DLC1: variants seen among roughly 807,000 people sequenced by gnomAD.
DLC1 encodes DLC1 Rho GTPase activating protein.
A neutral mutation model predicts 140.3 loss-of-function variants in DLC1; 54 were observed. The ratio of observed to expected loss-of-function variants is 0.38; its 90% CI spans 0.31 to 0.48. DLC1 has a LOEUF of 0.48. DLC1 is among the 20% of genes least tolerant of loss of function. DLC1 has a pLI of 0.96. For missense variants in DLC1, 2,536 were observed against 1,907.0 expected (o/e 1.33, Z -6.14); for synonymous variants, 986 against 728.1 (o/e 1.35, Z -5.70).
At chr8:13,373,965 T>C (rs1260187955) in intron 4 of DLC1, among the ~76,000 whole-genome samples, 1 of 152,190 alleles carries the variant, frequency 6.6e-6, no homozygotes, top group African/African-American at 2.4e-5. Flanking sequence ...AATTTCCAGA[T>C]TTGCAAAGAT....
chr8:13,154,450 C>T (rs1824092240), intron 5 of DLC1, among the ~76,000 whole-genome samples: 1 of 152,224 alleles, frequency 6.6e-6, no homozygotes, highest in Non-Finnish European at 1.5e-5. Context: ...GTGCTAAGCC[C>T]CTTACTGCCC....
chr8:13,488,834 A>C (rs557700620), intron 2 of DLC1, among the ~76,000 whole-genome samples: 1 of 152,382 alleles, frequency 6.6e-6, no homozygotes, highest in Non-Finnish European at 1.5e-5. Context: ...TTAGGTAAGA[A>C]GGCACATATA....
chr8:13,383,623 C>T (rs1012288622), intron 4 of DLC1, among the ~76,000 whole-genome samples: 1 of 152,142 alleles, frequency 6.6e-6, no homozygotes, highest in Admixed American at 6.5e-5. Flanking sequence ...CTTGTTTAGA[C>T]CTTTTCCAAC....
At chr8:13,465,767 A>T (rs576896658) in intron 2 of DLC1, among the ~76,000 whole-genome samples, 6 of 152,218 alleles carry the variant, frequency 3.9e-5, no homozygotes, top group Non-Finnish European at 8.8e-5. Context: ...TCTAAGAAAT[A>T]ACTTTTTAGT....
Position 13,305,259 on chromosome 8 carries a change from G to A in DLC1, c.1348+10C>T. Reference sequence around the variant, plus strand: ...ATTGGCGAGAAAACAGAACCAAAATGTCAACTTACCAGCCTTTTCCTTCTC... The same window carrying A: ...ATTGGCGAGAAAACAGAACCAAAATATCAACTTACCAGCCTTTTCCTTCTC... On this transcript the variant is annotated intron_variant, in intron 5 of 17. Transcript: ENST00000276297. The A allele has an allele frequency of 6.2e-7, 1 of 1,608,390 alleles. No individual in the cohort carries two copies. The highest frequency in any genetic ancestry group is 8.5e-7 in the Non-Finnish European group (1 of 1,177,414).
chr8:13,397,572 T>C (rs1837104544), intron 3 of DLC1, among the ~76,000 whole-genome samples: 2 of 152,008 alleles, frequency 1.3e-5, no homozygotes, highest in Admixed American at 1.3e-4. Flanking sequence ...CTCATGCCTG[T>C]CATCTCAATA....
chr8:13,479,294 A>G (rs980281988), intron 2 of DLC1, among the ~76,000 whole-genome samples: 2 of 152,228 alleles, frequency 1.3e-5, no homozygotes, highest in South Asian at 2.1e-4. Context: ...AATAAAATGG[A>G]TATATCTGAA....
intron 4 of DLC1, among the ~76,000 whole-genome samples, chr8:13,308,356 T>G (rs1832541439): frequency 6.6e-6 from 1 of 152,200 alleles, no homozygotes; most frequent in Non-Finnish European, 1.5e-5. Flanking sequence ...AGTCAAAGTG[T>G]AGTATTCCTA....
chr8:13,185,858 C>T (rs917451662), intron 5 of DLC1, among the ~76,000 whole-genome samples: 3 of 152,164 alleles, frequency 2.0e-5, no homozygotes, highest in Non-Finnish European at 1.5e-5. Flanking sequence ...ACAAAAATCT[C>T]TCAGCATTTG....
intron 4 of DLC1, among the ~76,000 whole-genome samples, chr8:13,344,564 T>G (rs1195596774): frequency 6.6e-6 from 1 of 152,076 alleles, no homozygotes; most frequent in Non-Finnish European, 1.5e-5. Flanking sequence ...GAATACAGAG[T>G]ACGGAGTGAC....
chr8:13,363,388 A>T (rs201225749), intron 4 of DLC1, among the ~76,000 whole-genome samples: 32 of 112,908 alleles, frequency 2.8e-4, no homozygotes, highest in Non-Finnish European at 1.3e-4. Context: ...TTTTTTTTTT[A>T]AACTTTATGG....
At chr8:13,097,259 T>TTAG (rs1818580463) in intron 10 of DLC1, among the ~76,000 whole-genome samples, 1 of 150,132 alleles carries the variant, frequency 6.7e-6, no homozygotes. Context: ...TTTATTATTA[T>TTAG]TATTATTATT....
At chr8:13,492,541 C>T (rs1172904897) in intron 2 of DLC1, among the ~76,000 whole-genome samples, 4 of 53,792 alleles carry the variant, frequency 7.4e-5, no homozygotes, top group Non-Finnish European at 2.3e-4. Context: ...CTCCACCTCT[C>T]TCACTACTCT....
At chr8:13,451,244 A>G (rs893018118) in intron 2 of DLC1, among the ~76,000 whole-genome samples, 5 of 152,034 alleles carry the variant, frequency 3.3e-5, no homozygotes, top group South Asian at 2.1e-4. Context: ...ATTTTTGTGT[A>G]TACATAGTAG....
chr8:13,124,085 T>C (rs1821350509), intron 5 of DLC1, among the ~76,000 whole-genome samples: 1 of 152,232 alleles, frequency 6.6e-6, no homozygotes, highest in Non-Finnish European at 1.5e-5. Context: ...TATTTTTAAA[T>C]GCTGTGTTAT....
intron 4 of DLC1, among the ~76,000 whole-genome samples, chr8:13,346,337 A>G (rs941971816): frequency 2.0e-5 from 3 of 152,334 alleles, no homozygotes; most frequent in African/African-American, 7.2e-5. Context: ...AGGGAAAAAC[A>G]TTTGTTCATA....
intron 7 of DLC1, among the ~76,000 whole-genome samples, chr8:13,104,575 C>G (rs770546948): frequency 6.6e-6 from 1 of 152,142 alleles, no homozygotes; most frequent in Non-Finnish European, 1.5e-5. Flanking sequence ...GTTTTTCCTA[C>G]GAATTGCAAT....
chr8:13,491,083 C>G (rs1026590554), intron 2 of DLC1, among the ~76,000 whole-genome samples: 1 of 147,012 alleles, frequency 6.8e-6, no homozygotes, highest in Non-Finnish European at 1.5e-5. Context: ...TGAATATATA[C>G]ATATTCAAAT....
At chr8:13,207,061 A>C (rs962032739) in intron 5 of DLC1, among the ~76,000 whole-genome samples, 3 of 152,190 alleles carry the variant, frequency 2.0e-5, no homozygotes, top group Non-Finnish European at 4.4e-5. Context: ...CATTCTAAAA[A>C]TATTTTGGAA....
Sources: gnomAD v4.1 joint callset for allele counts (sites outside exome capture counted in the v4.1 genomes callset) on GRCh38, gnomAD v4.1.1 for gene constraint, MANE v1.5 for transcripts, NCBI Gene and HGNC (gene_info 2026-07-23, HGNC 2026-07-21) for gene names.